The following G2E3 variants were observed in gnomAD, a reference collection of about 807,000 sequenced individuals.
The protein encoded by G2E3 is G2/M-phase specific E3 ubiquitin protein ligase.
Under a neutral mutation model 92.8 loss-of-function variants are expected in G2E3, and 35 were observed. That is an observed-to-expected ratio of 0.38 (90% confidence interval 0.29 to 0.50). The LOEUF (loss-of-function observed/expected upper bound fraction) is 0.50. G2E3 is among the 20% of genes least tolerant of loss of function. The pLI is 0.94. For synonymous variants in G2E3, 242 were observed against 272.4 expected (o/e 0.89, Z 1.10); for missense variants, 554 against 823.8 (o/e 0.67, Z 4.01).
chr14:30,581,665 A>G (rs926439347), intron 2 of G2E3, among the ~76,000 whole-genome samples: 2 of 152,182 alleles, frequency 1.3e-5, no homozygotes, highest in African/African-American at 4.8e-5. Flanking sequence ...TCGCACCACT[A>G]CACTTCAGCC....
intron 11 of G2E3, 104 bp from the exon 12 acceptor site, chr14:30,607,784 A>G (rs961876558): frequency 3.0e-5 from 17 of 561,870 alleles, no homozygotes; most frequent in African/African-American, 2.9e-4. Flanking sequence ...TAAGAATTAT[A>G]TTTATCTAAT....
chr14:30,593,669 G>C, intron 6 of G2E3, 30 bp downstream of exon 6: 1 of 1,487,408 alleles, frequency 6.7e-7, no homozygotes, highest in East Asian at 2.3e-5. Context: ...AGCTTTCTCT[G>C]ATTGATATAA....
intron 1 of G2E3, among the ~76,000 whole-genome samples, chr14:30,572,446 T>A (rs1049958397): frequency 1.3e-5 from 2 of 152,210 alleles, no homozygotes; most frequent in African/African-American, 4.8e-5. Context: ...AGATGCCCTT[T>A]TGTATCTGTT....
At chr14:30,564,458 AG>A (rs1460202363) in intron 1 of G2E3, among the ~76,000 whole-genome samples, 1 of 152,134 alleles carries the variant, frequency 6.6e-6, no homozygotes, top group African/African-American at 2.4e-5. Flanking sequence ...TCAGCTTCCC[AG>A]GCAGCTAGGA....
chr14:30,565,820 C>A (rs1475534471), intron 1 of G2E3, among the ~76,000 whole-genome samples: 1 of 151,828 alleles, frequency 6.6e-6, no homozygotes, highest in African/African-American at 2.4e-5. Flanking sequence ...CACCACCACA[C>A]CCGGCTAATT....
intron 1 of G2E3, chr14:30,574,483 A>G (rs1180166340): frequency 1.3e-5 from 2 of 150,258 alleles, no homozygotes; most frequent in Admixed American, 6.6e-5. Context: ...GGTAAACAAC[A>G]TGTCATGGGG....
chr14:30,585,614 G>T (rs1161619587), intron 2 of G2E3, among the ~76,000 whole-genome samples: 3 of 148,568 alleles, frequency 2.0e-5, no homozygotes, highest in African/African-American at 2.5e-5. Context: ...CTAGTTAAAG[G>T]TTTATCAGTT....
At chr14:30,589,098 T>A (rs1462209885) in intron 3 of G2E3, among the ~76,000 whole-genome samples, 2 of 152,100 alleles carry the variant, frequency 1.3e-5, no homozygotes, top group Non-Finnish European at 2.9e-5. Context: ...AACCACTCAC[T>A]GCCTTCTTTC....
intron 1 of G2E3, among the ~76,000 whole-genome samples, chr14:30,575,472 G>A (rs896306548): frequency 3.9e-5 from 6 of 152,158 alleles, no homozygotes; most frequent in Non-Finnish European, 8.8e-5. Context: ...GACACAAGAC[G>A]AGGATACTCT....
Position 30,612,462 on chromosome 14 carries a change from G to A in G2E3, c.1673+83G>A, listed in dbSNP as rs565497184. 31 of 864,452 alleles carry A rather than the reference G, an allele frequency of 3.6e-5. No individual in the cohort carries two copies. The African/African-American group carries it at 4.9e-4, about 14-fold the overall frequency. The allele number at this position is 864,452 out of a possible 1,614,324, so 53.5% of individuals were successfully genotyped here. ...TATCTTGTAATGTGAGATATATTTG[G>A]TAATAAGTGAGATGTTTTTCTCAGA... On this transcript the variant is annotated intron_variant, in intron 13 of 14. Transcript: ENST00000206595.
In G2E3 at chr14:30,593,526, A is replaced by G. The variant is rs750131939; in HGVS notation, c.415A>G (p.Arg139Gly). The part of the protein sequence containing the change: ...PVQIITSNNY[R>G]ESLPCTICLE... ...TCAAATAATTACATCTAATAATTATAGAGAGTCCTTACCATGCACCATTTG... is the reference window on the plus strand; with the variant it reads ...TCAAATAATTACATCTAATAATTATGGAGAGTCCTTACCATGCACCATTTG... The change falls in exon 6 of 15, where the codon AGA becomes GGA. Residue 139 changes from arginine to glycine, a missense_variant. Arg to Gly is a moderately radical substitution (Grantham distance 125). Around this residue, in one of 3 missense-constraint regions of G2E3, gnomAD observed 137 missense variants for 201.3 expected, o/e 0.68. Coordinates refer to ENST00000206595, the MANE Select transcript of G2E3 (RefSeq NM_017769.5). The G allele has an allele frequency of 2.4e-5, 37 of 1,560,374 alleles. No homozygotes were observed. Among genetic ancestry groups the G allele is most frequent in the Non-Finnish European group, 3.2e-5 (36 of 1,132,358 alleles).
chr14:30,568,660 T>C (rs1210930402), intron 1 of G2E3, among the ~76,000 whole-genome samples: 2 of 152,174 alleles, frequency 1.3e-5, no homozygotes, highest in Non-Finnish European at 2.9e-5. Flanking sequence ...TTTCATAGTA[T>C]ACAAAAATTA....
At chr14:30,585,512 A>G (rs911464603) in intron 2 of G2E3, among the ~76,000 whole-genome samples, 1 of 150,968 alleles carries the variant, frequency 6.6e-6, no homozygotes, top group African/African-American at 2.4e-5. Context: ...ATTGATCTAT[A>G]TGTTTATCCT....
In G2E3 at chr14:30,616,555, G is replaced by A. The variant is rs762481676; in HGVS notation, c.*21G>A. 21 of 1,542,824 alleles carry A rather than the reference G, an allele frequency of 1.4e-5. No individual in the cohort carries two copies. Among genetic ancestry groups the A allele is most frequent in the Non-Finnish European group, 1.7e-5 (19 of 1,138,236 alleles). ...ATTAAAATGTTTCCTTGAACAAAGA[G>A]AAGCTTCTTTAAAAGCTGCTATTGA... On this transcript the variant is annotated 3_prime_UTR_variant, in exon 15 of 15. Coordinates refer to ENST00000206595, the MANE Select transcript of G2E3 (RefSeq NM_017769.5).
intron 1 of G2E3, among the ~76,000 whole-genome samples, chr14:30,575,253 G>A (rs1471417657): frequency 6.6e-6 from 1 of 151,832 alleles, no homozygotes; most frequent in Non-Finnish European, 1.5e-5. Context: ...ATGTCCTTTG[G>A]CCACTTTTTA....
At chr14:30,611,333 A>T (rs1342893787) in intron 12 of G2E3, 2 of 151,860 alleles carry the variant, frequency 1.3e-5, no homozygotes, top group Non-Finnish European at 2.9e-5. Flanking sequence ...GTCATGAAAA[A>T]CTTAGGAGAT....
At chr14:30,582,335 AAGC>A (rs1193797642) in intron 2 of G2E3, among the ~76,000 whole-genome samples, 1 of 152,224 alleles carries the variant, frequency 6.6e-6, no homozygotes, top group Non-Finnish European at 1.5e-5. Context: ...TAAACATTAA[AAGC>A]AGGAAGGTAC....
At chr14:30,570,524 C>A (rs553570341) in intron 1 of G2E3, among the ~76,000 whole-genome samples, 1 of 152,020 alleles carries the variant, frequency 6.6e-6, no homozygotes, top group Admixed American at 6.6e-5. Context: ...GTTTATTTTT[C>A]ATTTTTTTTC....
chr14:30,592,296 G>C, intron 4 of G2E3, 27 bp from the exon 5 acceptor site: 12 of 1,602,586 alleles, frequency 7.5e-6, no homozygotes, highest in African/African-American at 1.3e-5. Flanking sequence ...TTTATGTTGT[G>C]ACCCCTATTT....
Sources: allele counts gnomAD v4.1 joint callset (sites outside exome capture counted in the v4.1 genomes callset), GRCh38; gene constraint gnomAD v4.1.1; regional missense constraint gnomAD v4.1.1; transcripts MANE v1.5; gene names NCBI Gene and HGNC (gene_info 2026-07-23, HGNC 2026-07-21).